The following TRPM3 variants were observed in gnomAD, a reference collection of about 807,000 sequenced individuals.
The protein encoded by TRPM3 is transient receptor potential cation channel subfamily M member 3.
Under a neutral mutation model 181.2 loss-of-function variants are expected in TRPM3, and 77 were observed. The observed-to-expected ratio is 0.42, with a 90% confidence interval of 0.35 to 0.51. The LOEUF (loss-of-function observed/expected upper bound fraction) is 0.51, where lower values mean the gene tolerates loss of function less well. TRPM3 is among the 20% of genes least tolerant of loss of function. The pLI is 0.01. For synonymous variants in TRPM3, 745 were observed against 796.4 expected, an observed-to-expected ratio of 0.94 and a Z score of 1.09; for missense variants, 1,759 against 2,196.7, an observed-to-expected ratio of 0.80 and a Z score of 3.98.
At chr9:70,747,334 G>A (rs930631288) in intron 8 of TRPM3, among the ~76,000 whole-genome samples, 6 of 152,110 alleles carry the variant, frequency 3.9e-5, no homozygotes, top group South Asian at 2.1e-4. Flanking sequence ...ACATGTGCAC[G>A]GGTTTGGTAA....
At chr9:70,580,193 C>A (rs182676043) in intron 22 of TRPM3, among the ~76,000 whole-genome samples, 3 of 152,110 alleles carry the variant, frequency 2.0e-5, no homozygotes, top group African/African-American at 7.2e-5. Flanking sequence ...ATTATGGTTG[C>A]ATATTTTCTA....
chr9:70,621,157 T>A (rs994484252), intron 15 of TRPM3, 87 bp downstream of exon 15: 102 of 487,872 alleles, frequency 2.1e-4, no homozygotes, highest in Non-Finnish European at 5.7e-5. Flanking sequence ...ATATATTATT[T>A]TATATATATA....
chr9:70,771,817 C>T (rs1031347623), intron 7 of TRPM3, among the ~76,000 whole-genome samples: 2 of 152,154 alleles, frequency 1.3e-5, no homozygotes, highest in African/African-American at 4.8e-5. Flanking sequence ...CCTTACTCTG[C>T]TTTCTTACCC....
chr9:70,937,257 G>T (rs192197766), intron 1 of TRPM3, among the ~76,000 whole-genome samples: 5 of 152,236 alleles, frequency 3.3e-5, no homozygotes, highest in Admixed American at 3.3e-4. Flanking sequence ...ATTAAATTTA[G>T]GTTCCATTCT....
At chr9:71,195,364 C>T (rs935497222) in intron 1 of TRPM3, among the ~76,000 whole-genome samples, 1 of 151,986 alleles carries the variant, frequency 6.6e-6, no homozygotes, top group Admixed American at 6.6e-5. Flanking sequence ...AGAACACATA[C>T]ATGCGGCCAA....
intron 1 of TRPM3, among the ~76,000 whole-genome samples, chr9:70,979,155 T>A (rs1017127237): frequency 3.9e-5 from 6 of 152,210 alleles, no homozygotes; most frequent in Admixed American, 3.9e-4. Flanking sequence ...CTAAAATGAT[T>A]TGTCTTTTCC....
At chr9:71,112,467 T>C (rs2071336495) in intron 1 of TRPM3, among the ~76,000 whole-genome samples, 1 of 152,180 alleles carries the variant, frequency 6.6e-6, no homozygotes, top group African/African-American at 2.4e-5. Context: ...GGGGAATCGA[T>C]GAACTAAATC....
At chr9:71,260,899 T>C in intron 1 of TRPM3, among the ~76,000 whole-genome samples, 1 of 152,086 alleles carries the variant, frequency 6.6e-6, no homozygotes, top group Admixed American at 6.6e-5. Flanking sequence ...GTGTCCTTTG[T>C]GGGTAACCCA....
chr9:70,583,780 G>T (rs2056527915), intron 22 of TRPM3, among the ~76,000 whole-genome samples: 1 of 152,126 alleles, frequency 6.6e-6, no homozygotes, highest in Admixed American at 6.5e-5. Context: ...GGTATCATTA[G>T]CTTCATCTGA....
At chr9:70,842,896 G>C in intron 5 of TRPM3, 107 bp downstream of exon 5, 1 of 1,105,422 alleles carries the variant, frequency 9.0e-7, no homozygotes, top group East Asian at 2.5e-5. Flanking sequence ...AGTGAGTAGA[G>C]ACCCAAAGAA....
chr9:70,544,142 T>G lies in TRPM3; in HGVS notation c.3707+5400A>C, dbSNP rs17055164. Among the ~76,000 whole-genome samples, 1,328 of 152,154 alleles carry G rather than the reference T, an allele frequency of 8.7e-3. 33 individuals are homozygous for G. In the East Asian group the frequency reaches 0.098, roughly 11 times the overall value. On this transcript the variant is annotated intron_variant, in intron 25 of 25. Coordinates refer to ENST00000677713, the MANE Select transcript of TRPM3 (RefSeq NM_001366145.2). ...ATCACCAGAAAATGTAGGTAACCCT[T>G]AAGAACCAATGGGAAATAAAAAGAA...
In TRPM3 at chr9:70,923,879, TAC is replaced by T. The variant is rs529541614; in HGVS notation, c.178-59370_178-59369del. 2.2e-3 allele frequency among the ~76,000 whole-genome samples: 325 copies of T among 149,000 alleles called. 2 individuals are homozygous for T. The highest frequency in any genetic ancestry group is 7.5e-3 in the African/African-American group (305 of 40,578). On this transcript the variant is annotated intron_variant, in intron 1 of 25. Transcript: ENST00000677713. Reference sequence around the variant, plus strand: ...ACACATATATATATATACATATATATACACACACACATATATACATACACACA... The same window carrying T: ...ACACATATATATATATACATATATATACACACACATATATACATACACACA...
chr9:71,129,375 A>C (rs2074237728), intron 1 of TRPM3, among the ~76,000 whole-genome samples: 1 of 152,218 alleles, frequency 6.6e-6, no homozygotes, highest in African/African-American at 2.4e-5. Context: ...CAATTCATTT[A>C]ACTTTTATGA....
chr9:71,435,099 A>C (rs1271809365), intron 1 of TRPM3, among the ~76,000 whole-genome samples: 1 of 152,198 alleles, frequency 6.6e-6, no homozygotes, highest in Non-Finnish European at 1.5e-5. Context: ...CGATTTAATT[A>C]ATCAATAACT....
chr9:71,272,197 T>G (rs1253023931), intron 1 of TRPM3, among the ~76,000 whole-genome samples: 1 of 152,190 alleles, frequency 6.6e-6, no homozygotes, highest in Non-Finnish European at 1.5e-5. Context: ...TTCTTATCTT[T>G]TTAAAAATTT....
At chr9:71,206,585 T>C (rs1459649230) in intron 1 of TRPM3, among the ~76,000 whole-genome samples, 1 of 152,180 alleles carries the variant, frequency 6.6e-6, no homozygotes, top group East Asian at 1.9e-4. Flanking sequence ...AGCTCTTTAG[T>C]TTAATTAGAT....
intron 1 of TRPM3, among the ~76,000 whole-genome samples, chr9:70,897,851 A>G (rs192431814): frequency 4.7e-4 from 71 of 152,338 alleles, no homozygotes; most frequent in Non-Finnish European, 7.9e-4. Context: ...CATTAATAGC[A>G]TTTGTGGTGA....
intron 9 of TRPM3, among the ~76,000 whole-genome samples, chr9:70,664,932 G>T (rs2061645099): frequency 1.3e-5 from 2 of 152,096 alleles, no homozygotes; most frequent in African/African-American, 4.8e-5. Flanking sequence ...TTACAGGCGT[G>T]AGCCACCACA....
chr9:70,759,243 C>T (rs189938596), intron 8 of TRPM3, among the ~76,000 whole-genome samples: 93 of 152,330 alleles, frequency 6.1e-4, no homozygotes, highest in Non-Finnish European at 1.0e-3. Flanking sequence ...AGCTCATCAT[C>T]ACTGGTCATT....
Sources: allele counts gnomAD v4.1 joint callset (sites outside exome capture counted in the v4.1 genomes callset), GRCh38; gene constraint gnomAD v4.1.1; transcripts MANE v1.5; gene names NCBI Gene and HGNC (gene_info 2026-07-23, HGNC 2026-07-21).